PHF21A: variants seen among roughly 807,000 people sequenced by gnomAD.
PHF21A encodes the protein PHD finger protein 21A.
Under a neutral mutation model 82.5 loss-of-function variants are expected in PHF21A, and 11 were observed. The observed-to-expected ratio is 0.13, with a 90% confidence interval of 0.08 to 0.22. The LOEUF (loss-of-function observed/expected upper bound fraction) is 0.22, where lower values mean the gene tolerates loss of function less well. PHF21A is among the 10% of genes least tolerant of loss of function. PHF21A has a pLI of 1.00. For synonymous variants in PHF21A, 297 were observed against 302.8 expected (o/e 0.98, Z 0.20); for missense variants, 579 against 837.8 (o/e 0.69, Z 3.81).
In PHF21A at chr11:46,084,205, A is replaced by C; in HGVS notation, c.15T>G (p.Thr5=). The change falls in exon 4 of 19, where the codon ACT becomes ACG. Residue 5 remains threonine (T), a synonymous_variant. Transcript: ENST00000676320. MELQ[T]LQEALKVEIQ... Reference sequence around the variant, plus strand: ...TTTCCACTTTAAGAGCCTCCTGTAGAGTCTGCAACTCCATCCTCTACCTTC... The same window carrying C: ...TTTCCACTTTAAGAGCCTCCTGTAGCGTCTGCAACTCCATCCTCTACCTTC... 1 of 1,602,124 alleles carries C rather than the reference A, an allele frequency of 6.2e-7. No individual in the cohort carries two copies. Among genetic ancestry groups the C allele is most frequent in the East Asian group, 2.3e-5 (1 of 43,802 alleles).
At chr11:46,017,565 G>T (rs533729128) in intron 6 of PHF21A, among the ~76,000 whole-genome samples, 1 of 150,422 alleles carries the variant, frequency 6.6e-6, no homozygotes, top group Non-Finnish European at 1.5e-5. Flanking sequence ...TACAGTTCAG[G>T]ATTTGCCCTT....
rs1853241487 is a variant in PHF21A at position 46,121,410 on chromosome 11, A to G, written c.-712T>C. Among the ~76,000 whole-genome samples, 1 of 150,970 alleles carries G rather than the reference A, an allele frequency of 6.6e-6. No individual in the cohort carries two copies. Among genetic ancestry groups the G allele is most frequent in the Admixed American group, 6.6e-5 (1 of 15,190 alleles). ...TCCTCCTCCTCCTCTCAGCAGCAGC[A>G]GCGAGCACCACCAGCCCATTCACCA... On this transcript the variant is annotated 5_prime_UTR_variant, in exon 1 of 19. Coordinates refer to ENST00000676320, the MANE Select transcript of PHF21A (RefSeq NM_001352027.3).
At chr11:46,008,154 C>T (rs1459334696) in intron 6 of PHF21A, among the ~76,000 whole-genome samples, 1 of 152,206 alleles carries the variant, frequency 6.6e-6, no homozygotes, top group Non-Finnish European at 1.5e-5. Context: ...GCACCTTCCC[C>T]TACAATGTGT....
chr11:46,050,529 T>A (rs1374293806), intron 6 of PHF21A, among the ~76,000 whole-genome samples: 1 of 152,188 alleles, frequency 6.6e-6, no homozygotes. Flanking sequence ...GACACCTTAA[T>A]TCTGCCAGCA....
At chr11:46,041,954 GGGGA>G (rs1297795991) in intron 6 of PHF21A, among the ~76,000 whole-genome samples, 1 of 152,092 alleles carries the variant, frequency 6.6e-6, no homozygotes, top group African/African-American at 2.4e-5. Flanking sequence ...ATGAGATCCT[GGGGA>G]CAGGATTCAT....
chr11:46,062,723 A>G (rs1424264367), intron 6 of PHF21A, among the ~76,000 whole-genome samples: 1 of 152,212 alleles, frequency 6.6e-6, no homozygotes, highest in Admixed American at 6.6e-5. Context: ...TACTGAAAGG[A>G]ATGTAAAATA....
At chr11:46,073,876 C>A (rs1333708466) in intron 6 of PHF21A, among the ~76,000 whole-genome samples, 1 of 152,224 alleles carries the variant, frequency 6.6e-6, no homozygotes, top group East Asian at 1.9e-4. Flanking sequence ...GCCAGAGTTT[C>A]TTTCAGAAAT....
chr11:46,076,203 T>C (rs2096723107), intron 6 of PHF21A, among the ~76,000 whole-genome samples: 1 of 152,244 alleles, frequency 6.6e-6, no homozygotes, highest in Non-Finnish European at 1.5e-5. Context: ...AAAAGCAAGA[T>C]GTTCTTCTCC....
chr11:46,117,210 C>T (rs1281934882), intron 1 of PHF21A: 1 of 152,150 alleles, frequency 6.6e-6, no homozygotes, highest in Non-Finnish European at 1.5e-5. Context: ...AGACAAAATT[C>T]AAAGCAGATT....
At chr11:45,981,940 C>CTTTTTTTTTTTTT (rs754937092) in intron 6 of PHF21A, among the ~76,000 whole-genome samples, 1,996 of 78,582 alleles carry the variant, frequency 0.025, 6 homozygotes, top group East Asian at 0.045. Flanking sequence ...TTTTGTTTTT[C>CTTTTTTTTTTTTT]TTTTTTTTTT....
chr11:46,031,672 C>T (rs1016659071), intron 6 of PHF21A, among the ~76,000 whole-genome samples: 3 of 152,086 alleles, frequency 2.0e-5, no homozygotes, highest in South Asian at 2.1e-4. Context: ...ATAGGCGCTC[C>T]GAGGCAGGTC....
At chr11:45,945,630 A>AG (rs569774370) in intron 15 of PHF21A, among the ~76,000 whole-genome samples, 60 of 152,292 alleles carry the variant, frequency 3.9e-4, no homozygotes, top group African/African-American at 1.4e-3. Context: ...GAGTTCCATG[A>AG]GGTTATATTT....
intron 3 of PHF21A, among the ~76,000 whole-genome samples, chr11:46,087,934 T>C (rs1399398198): frequency 2.6e-5 from 4 of 152,124 alleles, no homozygotes; most frequent in Non-Finnish European, 5.9e-5. Flanking sequence ...TTTTGTATTT[T>C]TTTGTAGTGA....
chr11:46,079,224 A>C, intron 4 of PHF21A, 58 bp from the exon 5 acceptor site: 1 of 1,322,860 alleles, frequency 7.6e-7, no homozygotes, highest in East Asian at 2.3e-5. Flanking sequence ...CCTATGGCTA[A>C]TCAGGTTTGG....
At chr11:46,012,925 G>A (rs1434055221) in intron 6 of PHF21A, among the ~76,000 whole-genome samples, 1 of 152,124 alleles carries the variant, frequency 6.6e-6, no homozygotes, top group Non-Finnish European at 1.5e-5. Context: ...CTGTCCTGCT[G>A]CTGTACTTCA....
intron 1 of PHF21A, among the ~76,000 whole-genome samples, chr11:46,102,431 TATA>T (rs1366433459): frequency 2.0e-5 from 3 of 152,340 alleles, no homozygotes; most frequent in Non-Finnish European, 4.4e-5. Flanking sequence ...AAGATCAATA[TATA>T]ATAAGGCATC....
chr11:46,052,615 G>C (rs893338024), intron 6 of PHF21A, among the ~76,000 whole-genome samples: 3 of 152,118 alleles, frequency 2.0e-5, no homozygotes, highest in Non-Finnish European at 2.9e-5. Flanking sequence ...ACAGAAGGTA[G>C]GGATAGAAGA....
chr11:46,099,958 A>G (rs2097069475), intron 1 of PHF21A, among the ~76,000 whole-genome samples: 1 of 152,218 alleles, frequency 6.6e-6, no homozygotes, highest in African/African-American at 2.4e-5. Flanking sequence ...GTAGTCCAAC[A>G]TATTGATCCT....
At chr11:46,118,780 T>C (rs1465366427) in intron 1 of PHF21A, 1 of 152,140 alleles carries the variant, frequency 6.6e-6, no homozygotes, top group Non-Finnish European at 1.5e-5. Context: ...AGTAAAAATG[T>C]AGTAACAGTT....
Sources: allele counts gnomAD v4.1 joint callset (sites outside exome capture counted in the v4.1 genomes callset), GRCh38; gene constraint gnomAD v4.1.1; transcripts MANE v1.5; gene names NCBI Gene and HGNC (gene_info 2026-07-23, HGNC 2026-07-21).